SLIT3: variants seen among roughly 807,000 people sequenced by gnomAD.
The protein encoded by SLIT3 is slit guidance ligand 3.
In SLIT3, 68 loss-of-function variants were observed where a neutral mutation model predicts 184.0. That is an observed-to-expected ratio of 0.37 (90% CI 0.30 to 0.45). The LOEUF is 0.45. Among genes scored for constraint, SLIT3 ranks in the 20% least tolerant of loss-of-function variants. The pLI is 1.00. For synonymous variants in SLIT3, 831 were observed against 828.6 expected (o/e 1.00, Z -0.05); for missense variants, 1,707 against 2,026.0 (o/e 0.84, Z 3.02).
At chr5:169,277,942 T>C (rs910491935) in intron 1 of SLIT3, among the ~76,000 whole-genome samples, 2 of 152,246 alleles carry the variant, frequency 1.3e-5, no homozygotes, top group Admixed American at 1.3e-4. Flanking sequence ...TCTTTGACTA[T>C]AGCCTTCACA....
chr5:168,959,084 G>A (rs12188351), intron 4 of SLIT3, among the ~76,000 whole-genome samples: 5,935 of 152,360 alleles, frequency 0.039, 158 homozygotes, highest in Middle Eastern at 0.065. Flanking sequence ...TCTGGGCTGA[G>A]ATTTGAAAAG....
intron 4 of SLIT3, among the ~76,000 whole-genome samples, chr5:168,938,759 T>C (rs1762241981): frequency 2.6e-5 from 4 of 152,108 alleles, no homozygotes; most frequent in Admixed American, 1.3e-4. Context: ...GCCTCCCTAG[T>C]AGGTGGGACT....
At position 168,903,326 on chromosome 5, in the gene SLIT3, C is replaced by T. The variant is rs78212103; in HGVS notation, c.414-19990G>A. Among the ~76,000 whole-genome samples the T allele has an allele frequency of 5.4e-3, 820 of 152,250 alleles. 6 individuals are homozygous for T. The highest frequency in any genetic ancestry group is 0.019 in the African/African-American group (796 of 41,536). Reference sequence around the variant, plus strand: ...CAGCCAGGCTTCCTGGGGGTGCAAACCTGGTGTCCCTGGAAGCTGAAATTT... The same window carrying T: ...CAGCCAGGCTTCCTGGGGGTGCAAATCTGGTGTCCCTGGAAGCTGAAATTT... On this transcript the variant is annotated intron_variant, in intron 4 of 35. Coordinates refer to ENST00000519560, the MANE Select transcript of SLIT3 (RefSeq NM_003062.4).
At chr5:168,684,334 G>A (rs1158009794) in intron 31 of SLIT3, among the ~76,000 whole-genome samples, 1 of 152,124 alleles carries the variant, frequency 6.6e-6, no homozygotes, top group African/African-American at 2.4e-5. Context: ...AGTGCCTACT[G>A]TGCACCACTA....
rs1308641547 is a variant in SLIT3, at chr5:169,300,197, A to C, written c.197+316T>G. 6.6e-6 allele frequency among the ~76,000 whole-genome samples: 1 copy of C among 152,070 alleles called. No individual in the cohort carries two copies. Among genetic ancestry groups the C allele is most frequent in the Non-Finnish European group, 1.5e-5 (1 of 67,978 alleles). On this transcript the variant is annotated intron_variant, in intron 1 of 35. Coordinates refer to ENST00000519560, the MANE Select transcript of SLIT3 (RefSeq NM_003062.4). This position sits in a 1 kb window ranked among gnomAD's most constrained non-coding sequence, Gnocchi z 4.1. ...CCCTGACCCTCACCCTAAGACCTTG[A>C]GGCTGCAGTGCTCTTGCCTCCCCTC...
At position 169,202,682 on chromosome 5, in the gene SLIT3, T is replaced by TATGTG. The variant is rs564335327; in HGVS notation, c.342-9133_342-9132insCACAT. Among the ~76,000 whole-genome samples, 585 of 152,230 alleles carry TATGTG rather than the reference T, an allele frequency of 3.8e-3. 9 individuals carry two copies. Among genetic ancestry groups the TATGTG allele is most frequent in the Non-Finnish European group, 9.6e-4 (65 of 68,016 alleles). On this transcript the variant is annotated intron_variant, in intron 3 of 35. Coordinates refer to ENST00000519560, the MANE Select transcript of SLIT3 (RefSeq NM_003062.4). ...GGCTATGAGAGTCTCAGGAAATCCT[T>TATGTG]GCCCTATTTATGTGGTTATAGAGAA...
chr5:169,206,163 G>A (rs533330715), intron 3 of SLIT3, among the ~76,000 whole-genome samples: 8 of 152,206 alleles, frequency 5.3e-5, no homozygotes, highest in South Asian at 4.1e-4. Flanking sequence ...CTGAGAATGC[G>A]TTAGCAACAC....
intron 4 of SLIT3, among the ~76,000 whole-genome samples, chr5:169,133,843 A>G (rs1049689889): frequency 6.6e-6 from 1 of 152,240 alleles, no homozygotes; most frequent in Non-Finnish European, 1.5e-5. Flanking sequence ...ATACTTTCCC[A>G]TAATTAAACG....
At chr5:168,810,628 C>T (rs1208996689) in intron 8 of SLIT3, among the ~76,000 whole-genome samples, 1 of 152,336 alleles carries the variant, frequency 6.6e-6, no homozygotes, top group African/African-American at 2.4e-5. Flanking sequence ...GTCACCACTT[C>T]GGCTCTGGGC....
intron 3 of SLIT3, among the ~76,000 whole-genome samples, chr5:169,216,729 A>G (rs1561745307): frequency 6.6e-6 from 1 of 152,148 alleles, no homozygotes; most frequent in Non-Finnish European, 1.5e-5. Context: ...ACAAAAGCAA[A>G]TAACTCATTG....
chr5:168,845,290 C>T (rs978844804), intron 5 of SLIT3, among the ~76,000 whole-genome samples: 1 of 152,094 alleles, frequency 6.6e-6, no homozygotes, highest in Non-Finnish European at 1.5e-5. Context: ...TGTTACGGGG[C>T]CCATCTGGTA....
intron 4 of SLIT3, among the ~76,000 whole-genome samples, chr5:169,022,472 T>C (rs377399226): frequency 1.6e-4 from 24 of 152,276 alleles, no homozygotes; most frequent in Middle Eastern, 3.4e-3. Flanking sequence ...CAGGGAAAAG[T>C]GAACATCAGT....
chr5:169,041,321 C>T (rs189673017), intron 4 of SLIT3, among the ~76,000 whole-genome samples: 16 of 152,258 alleles, frequency 1.1e-4, no homozygotes, highest in African/African-American at 3.6e-4. Flanking sequence ...TCCTTGTTCT[C>T]GTGGATCTCA....
rs370053753 is a variant in SLIT3 at position 169,069,751 on chromosome 5, GGACAGACA to G, written c.413+123720_413+123727del. On this transcript the variant is annotated intron_variant, in intron 4 of 35. Coordinates refer to ENST00000519560, the MANE Select transcript of SLIT3 (RefSeq NM_003062.4). ...AGGGAGAGAGGGGAGGTAGGGAGGT[GGACAGACA>G]GACAGACAGACAGAGTGAATATGAA... Among the ~76,000 whole-genome samples the G allele has an allele frequency of 2.2e-4, 34 of 152,072 alleles. No homozygotes were observed. The East Asian group carries it at 2.3e-3, about 10-fold the overall frequency.
At chr5:169,052,035 A>T (rs1328633434) in intron 4 of SLIT3, among the ~76,000 whole-genome samples, 2 of 152,098 alleles carry the variant, frequency 1.3e-5, no homozygotes, top group Non-Finnish European at 1.5e-5. Flanking sequence ...CAATAACCGG[A>T]CATCCCCAGC....
chr5:168,747,075 C>A (rs2113454309), intron 20 of SLIT3, among the ~76,000 whole-genome samples: 1 of 152,002 alleles, frequency 6.6e-6, no homozygotes, highest in South Asian at 2.1e-4. Context: ...TTGCCTCTCC[C>A]TGGCTCTGCC....
chr5:169,124,329 C>T (rs1760999170), intron 4 of SLIT3, among the ~76,000 whole-genome samples: 1 of 152,210 alleles, frequency 6.6e-6, no homozygotes, highest in Non-Finnish European at 1.5e-5. Flanking sequence ...CCCTTAAATA[C>T]ACATACACAC....
At chr5:169,007,544 A>G (rs62379466) in intron 4 of SLIT3, among the ~76,000 whole-genome samples, 1 of 152,226 alleles carries the variant, frequency 6.6e-6, no homozygotes, top group African/African-American at 2.4e-5. Context: ...AGTAGTTTGC[A>G]TGACACATAC....
At chr5:168,700,455 C>T in intron 27 of SLIT3, 127 bp downstream of exon 27, 1 of 692,536 alleles carries the variant, frequency 1.4e-6, no homozygotes, top group South Asian at 1.8e-5. Flanking sequence ...GTGAGGCTTC[C>T]CAGCCATGCT....
Sources: allele counts gnomAD v4.1 joint callset (sites outside exome capture counted in the v4.1 genomes callset), GRCh38; gene constraint gnomAD v4.1.1; non-coding constraint Gnocchi (gnomAD v3.1); transcripts MANE v1.5; gene names NCBI Gene and HGNC (gene_info 2026-07-23, HGNC 2026-07-21).